Variants in ITPR2 observed in about 807,000 individuals in gnomAD.
ITPR2 encodes the protein inositol 1,4,5-trisphosphate receptor type 2.
A neutral mutation model predicts 317.1 loss-of-function variants in ITPR2; 207 were observed. The observed-to-expected ratio is 0.65, with a 90% confidence interval of 0.58 to 0.73. The LOEUF (loss-of-function observed/expected upper bound fraction) is 0.73, where lower values mean the gene tolerates loss of function less well. Ranked by LOEUF, ITPR2 falls within the 30% of genes least tolerant of loss-of-function variation. The pLI is 0.00. For missense variants in ITPR2, 2,613 were observed against 3,284.0 expected (o/e 0.80, Z 4.99); for synonymous variants, 1,156 against 1,149.1 (o/e 1.01, Z -0.12).
rs61757113 is a variant in ITPR2 at position 26,631,977 on chromosome 12, C to T, written c.2823G>A (p.Met941Ile). 268 of 1,613,520 alleles carry T rather than the reference C, an allele frequency of 1.7e-4. No individual in the cohort carries two copies. Among genetic ancestry groups the T allele is most frequent in the Non-Finnish European group, 2.0e-4 (236 of 1,179,816 alleles). ...TGCTGGGTGGCACATCCGGCACGCTCATGGGGAAGATGGAGCCTCTACTGA... is the reference window on the plus strand; with the variant it reads ...TGCTGGGTGGCACATCCGGCACGCTTATGGGGAAGATGGAGCCTCTACTGA... ...MVLSRGSIFP[M>I]SVPDVPPSIH... is the part of the protein sequence containing the mutation. The change falls in exon 22 of 57, where the codon ATG becomes ATA. Residue 941 changes from methionine (M) to isoleucine (I), a missense_variant. Transcript: ENST00000381340.
chr12:26,480,796 T>C (rs10771286), intron 43 of ITPR2, among the ~76,000 whole-genome samples: 128,724 of 152,062 alleles, frequency 0.85, 54,954 homozygotes, highest in Non-Finnish European at 0.91. Context: ...GCCGAGATCG[T>C]GCCACTGCAC....
chr12:26,588,530 T>C (rs1945597079), intron 32 of ITPR2, among the ~76,000 whole-genome samples: 2 of 152,236 alleles, frequency 1.3e-5, no homozygotes, highest in Admixed American at 6.5e-5. Flanking sequence ...AAAATTATTT[T>C]TTTAAATTGA....
chr12:26,681,425 C>T (rs12303643), intron 13 of ITPR2, among the ~76,000 whole-genome samples: 31,664 of 152,006 alleles, frequency 0.21, 3,987 homozygotes, highest in African/African-American at 0.35. Flanking sequence ...CAGAGAACTA[C>T]ACCCTGCAGA....
chr12:26,770,629 T>C (rs539651514), intron 2 of ITPR2, among the ~76,000 whole-genome samples: 1 of 152,338 alleles, frequency 6.6e-6, no homozygotes, highest in Admixed American at 6.5e-5. Flanking sequence ...TCCTCATCTA[T>C]AAAATGAGAT....
At position 26,832,943 on chromosome 12, in the gene ITPR2, C is replaced by T; in HGVS notation, c.-162G>A. 1 of 591,304 alleles carries T rather than the reference C, an allele frequency of 1.7e-6. No individual in the cohort carries two copies. The highest frequency in any genetic ancestry group is 3.9e-5 in the Admixed American group (1 of 25,876). The allele number at this position is 591,304 out of a possible 1,614,324, so 36.6% of individuals were successfully genotyped here. On this transcript the variant is annotated 5_prime_UTR_variant, in exon 1 of 57. Transcript: ENST00000381340. ...CGAGCCACTGAGCGTCGCGGCTCAG[C>T]CGTGCGTGCGCGCCGGGGAAGCCAG...
chr12:26,355,789 C>T (rs1938620735), intron 55 of ITPR2, among the ~76,000 whole-genome samples: 1 of 152,092 alleles, frequency 6.6e-6, no homozygotes. Flanking sequence ...TCCAAAAATC[C>T]ACTGCCAACA....
chr12:26,703,390 C>T (rs752170380), intron 9 of ITPR2, among the ~76,000 whole-genome samples: 1 of 152,176 alleles, frequency 6.6e-6, no homozygotes, highest in Non-Finnish European at 1.5e-5. Context: ...CAAAGTAGTA[C>T]TTCTACCTAG....
rs571796226 is a variant in ITPR2 at position 26,384,467 on chromosome 12, C to T, written c.7857+2967G>A. 3.3e-4 allele frequency among the ~76,000 whole-genome samples: 50 copies of T among 152,264 alleles called. No individual in the cohort carries two copies. The South Asian group carries it at 0.01, about 31-fold the overall frequency. On this transcript the variant is annotated intron_variant, in intron 55 of 56. Coordinates refer to ENST00000381340, the MANE Select transcript of ITPR2 (RefSeq NM_002223.4). Reference sequence around the variant, plus strand: ...CTGCTTGGATGAAAATGAAACGTTTCATGTTGGAATAAGCTTGGGAGTTCT... The same window carrying T: ...CTGCTTGGATGAAAATGAAACGTTTTATGTTGGAATAAGCTTGGGAGTTCT...
intron 55 of ITPR2, among the ~76,000 whole-genome samples, chr12:26,342,517 G>GGGGGGGA (rs1938161904): frequency 1.4e-5 from 1 of 69,944 alleles, no homozygotes; most frequent in African/African-American, 5.4e-5. Flanking sequence ...GGGGGGGCGG[G>GGGGGGGA]GGTCAGATCC....
In ITPR2 at chr12:26,622,425, TCTAAAGTGACTCCTA is replaced by T; in HGVS notation, c.3123-35_3123-21del. 6.3e-7 allele frequency: 1 copy of T among 1,576,180 alleles called. No homozygotes were observed. ...TCTTTTCTATAAAACCAAAAACATT[TCTAAAGTGACTCCTA>T]TTTATATAACATCTACACTTCAGTA... On this transcript the variant is annotated intron_variant, in intron 24 of 56. Transcript: ENST00000381340.
At chr12:26,421,390 G>T (rs1011105173) in intron 49 of ITPR2, 7 of 152,122 alleles carry the variant, frequency 4.6e-5, no homozygotes, top group African/African-American at 1.2e-4. Flanking sequence ...TATTTCTGTT[G>T]AGATAAAAAA....
chr12:26,672,927 T>C (rs1004312108), intron 13 of ITPR2, among the ~76,000 whole-genome samples: 58 of 152,062 alleles, frequency 3.8e-4, no homozygotes, highest in African/African-American at 1.3e-3. Flanking sequence ...AACACCTCTA[T>C]GCAAATAAAC....
At chr12:26,500,912 T>C (rs570238807) in intron 37 of ITPR2, among the ~76,000 whole-genome samples, 1 of 152,308 alleles carries the variant, frequency 6.6e-6, no homozygotes, top group African/African-American at 2.4e-5. Context: ...TGTGTGATAT[T>C]TGAGGTATAG....
At chr12:26,485,424 T>C (rs1942643822) in intron 41 of ITPR2, among the ~76,000 whole-genome samples, 1 of 152,150 alleles carries the variant, frequency 6.6e-6, no homozygotes, top group Admixed American at 6.5e-5. Flanking sequence ...ACGAAATGGG[T>C]TAGGATAGGC....
At chr12:26,543,099 T>C (rs571199108) in intron 37 of ITPR2, among the ~76,000 whole-genome samples, 64 of 152,124 alleles carry the variant, frequency 4.2e-4, no homozygotes, top group Non-Finnish European at 4.6e-4. Flanking sequence ...TACTAAAGAG[T>C]ACAAGATGCG....
At chr12:26,391,409 A>G (rs541590471) in intron 54 of ITPR2, among the ~76,000 whole-genome samples, 3 of 152,268 alleles carry the variant, frequency 2.0e-5, no homozygotes, top group Admixed American at 6.5e-5. Context: ...TGTTTAGGGA[A>G]TGTCAGTTAC....
chr12:26,558,663 A>G (rs1944730373), intron 35 of ITPR2, among the ~76,000 whole-genome samples: 1 of 152,236 alleles, frequency 6.6e-6, no homozygotes, highest in Admixed American at 6.5e-5. Context: ...AACTCTTGAT[A>G]GCTCCTGCTC....
intron 2 of ITPR2, among the ~76,000 whole-genome samples, chr12:26,727,564 G>A (rs1948951871): frequency 6.6e-6 from 1 of 152,164 alleles, no homozygotes; most frequent in Admixed American, 6.6e-5. Flanking sequence ...GATATCTTTG[G>A]GGAGTCAGCA....
At chr12:26,603,632 AAGAG>A (rs1034051711) in intron 26 of ITPR2, among the ~76,000 whole-genome samples, 1 of 152,242 alleles carries the variant, frequency 6.6e-6, no homozygotes. Flanking sequence ...ACTATTCAGA[AAGAG>A]AGAGAAAGAG....
Sources: gnomAD v4.1 joint callset for allele counts (sites outside exome capture counted in the v4.1 genomes callset) on GRCh38, gnomAD v4.1.1 for gene constraint, MANE v1.5 for transcripts, NCBI Gene and HGNC (gene_info 2026-07-23, HGNC 2026-07-21) for gene names.